NOS1AP: variants seen among roughly 807,000 people sequenced by gnomAD.
The protein encoded by NOS1AP is nitric oxide synthase 1 adaptor protein, also known as carboxyl-terminal PDZ ligand of neuronal nitric oxide synthase protein.
Under a neutral mutation model 56.2 loss-of-function variants are expected in NOS1AP, and 21 were observed. The observed-to-expected ratio is 0.37, with a 90% CI of 0.26 to 0.54. The LOEUF (loss-of-function observed/expected upper bound fraction) is 0.54, where lower values mean the gene tolerates loss of function less well. Ranked by LOEUF, NOS1AP falls within the 20% of genes least tolerant of loss-of-function variation. The pLI, the probability that NOS1AP is intolerant of heterozygous loss-of-function variation, is 0.84. For missense variants in NOS1AP, 522 were observed against 657.8 expected (o/e 0.79, Z 2.26); for synonymous variants, 270 against 274.6 (o/e 0.98, Z 0.17).
intron 8 of NOS1AP, chr1:162,364,200 A>G (rs1963645): frequency 0.35 from 349,061 of 985,208 alleles, 62,388 homozygotes; most frequent in Middle Eastern, 0.44. Flanking sequence ...TTGACTCCCC[A>G]TCCATCTTCC....
At chr1:162,303,349 T>C (rs1655721354) in intron 4 of NOS1AP, among the ~76,000 whole-genome samples, 1 of 152,252 alleles carries the variant, frequency 6.6e-6, no homozygotes, top group Non-Finnish European at 1.5e-5. Context: ...TCCAGTATTG[T>C]CAGTCCTTTT....
At chr1:162,326,594 G>A (rs184910060) in intron 4 of NOS1AP, among the ~76,000 whole-genome samples, 28 of 152,288 alleles carry the variant, frequency 1.8e-4, no homozygotes, top group Non-Finnish European at 3.7e-4. Flanking sequence ...AATTGGGAAG[G>A]TGGAGACCCA....
chr1:162,278,875 C>T (rs949682272), intron 2 of NOS1AP, among the ~76,000 whole-genome samples: 1 of 152,160 alleles, frequency 6.6e-6, no homozygotes, highest in African/African-American at 2.4e-5. Context: ...ACATTCATCA[C>T]CTTAAATAAG....
chr1:162,146,569 C>T (rs1399414020), intron 1 of NOS1AP, among the ~76,000 whole-genome samples: 1 of 152,168 alleles, frequency 6.6e-6, no homozygotes, highest in Non-Finnish European at 1.5e-5. Flanking sequence ...TGCACTGTGC[C>T]TGTGGGGTTG....
At chr1:162,213,453 C>A (rs1330188843) in intron 2 of NOS1AP, among the ~76,000 whole-genome samples, 1 of 152,124 alleles carries the variant, frequency 6.6e-6, no homozygotes, top group African/African-American at 2.4e-5. Flanking sequence ...GCTGGAGTTG[C>A]CAAATACAAG....
At chr1:162,073,181 C>G (rs1485057260) in intron 1 of NOS1AP, among the ~76,000 whole-genome samples, 2 of 152,170 alleles carry the variant, frequency 1.3e-5, no homozygotes, top group African/African-American at 4.8e-5. Context: ...TCACTACTTC[C>G]CTAGGAGATG....
At chr1:162,129,554 C>G (rs140069672) in intron 1 of NOS1AP, among the ~76,000 whole-genome samples, 70 of 152,332 alleles carry the variant, frequency 4.6e-4, no homozygotes, top group Non-Finnish European at 8.4e-4. Context: ...TCCCTGATCT[C>G]TGTTTCATTA....
rs958533256 is a variant in NOS1AP at position 162,332,925 on chromosome 1, G to A, written c.345-92G>A. The A allele has an allele frequency of 1.6e-5, 14 of 897,102 alleles. No homozygotes were observed. In the Admixed American group the frequency reaches 1.9e-4, roughly 12 times the overall value. The allele number at this position is 897,102 out of a possible 1,614,324, so 55.6% of individuals were successfully genotyped here. A position where few individuals can be genotyped will look rare whatever the true frequency, so the allele number is the denominator to read the frequency against. ...TGTAATAACTTGGCTCTCATGAGCT[G>A]TGCTTCAGAGTGTCCTTAAACAGAG... On this transcript the variant is annotated intron_variant, in intron 4 of 9. Transcript: ENST00000361897.
At chr1:162,326,163 C>T (rs1167141721) in intron 4 of NOS1AP, among the ~76,000 whole-genome samples, 1 of 152,190 alleles carries the variant, frequency 6.6e-6, no homozygotes, top group African/African-American at 2.4e-5. Context: ...TGGTAGTCTA[C>T]ATCCTCTACC....
chr1:162,155,237 CAT>C (rs1557807957), intron 2 of NOS1AP, among the ~76,000 whole-genome samples: 6 of 17,168 alleles, frequency 3.5e-4, no homozygotes, highest in Admixed American at 2.0e-3. Context: ...TATATATATA[CAT>C]ATACATATAC....
chr1:162,248,898 C>T (rs4145621), intron 2 of NOS1AP, among the ~76,000 whole-genome samples: 60,345 of 151,886 alleles, frequency 0.4, 14,615 homozygotes, highest in Non-Finnish European at 0.56. Flanking sequence ...TTCTTGTTTC[C>T]TTCTCCATCA....
At chr1:162,154,575 C>A in intron 2 of NOS1AP, 99 bp downstream of exon 2, 1 of 1,096,540 alleles carries the variant, frequency 9.1e-7, no homozygotes, top group Non-Finnish European at 1.4e-6. Context: ...GATGGCTACA[C>A]CCCTTGCAAA....
At chr1:162,074,076 G>T (rs892294968) in intron 1 of NOS1AP, among the ~76,000 whole-genome samples, 8 of 152,174 alleles carry the variant, frequency 5.3e-5, no homozygotes, top group Non-Finnish European at 1.0e-4. Context: ...GGTGATTTTT[G>T]ATTTGCATTG....
At chr1:162,207,456 G>C (rs995358988) in intron 2 of NOS1AP, among the ~76,000 whole-genome samples, 1 of 152,230 alleles carries the variant, frequency 6.6e-6, no homozygotes, top group African/African-American at 2.4e-5. Flanking sequence ...AGAGCTGTTC[G>C]AGCTGGTTCT....
chr1:162,123,424 G>A (rs1003957539), intron 1 of NOS1AP, among the ~76,000 whole-genome samples: 4 of 152,022 alleles, frequency 2.6e-5, no homozygotes, highest in African/African-American at 7.3e-5. Context: ...CACCTGCCTC[G>A]GCCTCCCAAA....
At chr1:162,182,976 A>G (rs1460785462) in intron 2 of NOS1AP, among the ~76,000 whole-genome samples, 1 of 152,238 alleles carries the variant, frequency 6.6e-6, no homozygotes, top group Non-Finnish European at 1.5e-5. Flanking sequence ...AATGGCATCC[A>G]GAATGATTAA....
At chr1:162,212,550 C>T (rs1311077091) in intron 2 of NOS1AP, among the ~76,000 whole-genome samples, 1 of 152,150 alleles carries the variant, frequency 6.6e-6, no homozygotes, top group Non-Finnish European at 1.5e-5. Flanking sequence ...CCCCGCTGCC[C>T]ACCCCAGTCT....
At chr1:162,294,235 G>A (rs558306467) in intron 3 of NOS1AP, among the ~76,000 whole-genome samples, 45 of 152,002 alleles carry the variant, frequency 3.0e-4, no homozygotes, top group African/African-American at 1.1e-3. Flanking sequence ...AAGAAAGAAA[G>A]GAAGGAAGGA....
At chr1:162,251,303 C>T (rs1298422131) in intron 2 of NOS1AP, among the ~76,000 whole-genome samples, 1 of 152,068 alleles carries the variant, frequency 6.6e-6, no homozygotes, top group African/African-American at 2.4e-5. Flanking sequence ...TCACATCTTC[C>T]CTGAGTTCTT....
Sources: gnomAD v4.1 joint callset for allele counts (sites outside exome capture counted in the v4.1 genomes callset) on GRCh38, gnomAD v4.1.1 for gene constraint, MANE v1.5 for transcripts, NCBI Gene and HGNC (gene_info 2026-07-23, HGNC 2026-07-21) for gene names.